Variants in DAB1 observed in about 807,000 individuals in gnomAD.
DAB1 encodes the protein DAB adaptor protein 1, also known as disabled homolog 1.
A neutral mutation model predicts 64.6 loss-of-function variants in DAB1; 15 were observed. That is an observed-to-expected ratio of 0.23 (90% CI 0.16 to 0.36). The LOEUF (loss-of-function observed/expected upper bound fraction) is 0.36. DAB1 is among the 10% of genes least tolerant of loss of function. The probability of loss-of-function intolerance (pLI) is 1.00; values close to 1 mark genes in which losing one functional copy is unlikely to be tolerated. For synonymous variants in DAB1, 235 were observed against 251.9 expected (o/e 0.93, Z 0.64); for missense variants, 596 against 706.7 (o/e 0.84, Z 1.78).
chr1:58,193,582 G>A (rs796815461), intron 4 of DAB1, among the ~76,000 whole-genome samples: 5 of 152,234 alleles, frequency 3.3e-5, no homozygotes, highest in East Asian at 1.9e-4. Flanking sequence ...ACGGCCAGGC[G>A]CAGTGGCTCA....
chr1:57,582,238 C>A (rs116672238), intron 7 of DAB1, among the ~76,000 whole-genome samples: 9 of 152,084 alleles, frequency 5.9e-5, no homozygotes, highest in Non-Finnish European at 1.0e-4. Context: ...CATGTGGCTG[C>A]GGAGGCTTCA....
At chr1:57,199,375 G>A (rs11206996) in intron 2 of DAB1, among the ~76,000 whole-genome samples, 31,434 of 152,186 alleles carry the variant, frequency 0.21, 3,845 homozygotes, top group Admixed American at 0.33. Flanking sequence ...AGGCCACATA[G>A]GGCCTGTCCC....
chr1:57,077,520 A>G (rs1268407429), intron 4 of DAB1, among the ~76,000 whole-genome samples: 2 of 152,250 alleles, frequency 1.3e-5, no homozygotes, highest in African/African-American at 4.8e-5. Flanking sequence ...TTCAATGAAT[A>G]AATGATTCAG....
intron 7 of DAB1, among the ~76,000 whole-genome samples, chr1:57,594,835 C>T (rs1267701198): frequency 1.3e-5 from 2 of 152,090 alleles, no homozygotes; most frequent in East Asian, 1.9e-4. Context: ...CTCAGCCTCC[C>T]GAGTAGCTGG....
intron 4 of DAB1, among the ~76,000 whole-genome samples, chr1:58,227,867 A>T (rs1443858208): frequency 6.6e-6 from 1 of 152,166 alleles, no homozygotes; most frequent in East Asian, 1.9e-4. Flanking sequence ...AGTTTCTGAG[A>T]TTTATTTCTG....
chr1:58,203,543 T>C (rs1658108808), intron 4 of DAB1, among the ~76,000 whole-genome samples: 1 of 152,228 alleles, frequency 6.6e-6, no homozygotes, highest in Admixed American at 6.5e-5. Flanking sequence ...TCTGTCATAG[T>C]GGTTCTCAAA....
chr1:58,078,510 G>A (rs1359316073), intron 5 of DAB1, among the ~76,000 whole-genome samples: 1 of 152,104 alleles, frequency 6.6e-6, no homozygotes, highest in Non-Finnish European at 1.5e-5. Context: ...TTTTTACCTT[G>A]TTCTCTCCCT....
intron 1 of DAB1, among the ~76,000 whole-genome samples, chr1:57,358,503 A>G (rs1196318380): frequency 2.0e-5 from 3 of 152,120 alleles, no homozygotes; most frequent in African/African-American, 2.4e-5. Context: ...ATAAATGAAA[A>G]GACATCCCAT....
At chr1:57,831,257 G>A (rs757694114) in intron 1 of DAB1, among the ~76,000 whole-genome samples, 2 of 152,100 alleles carry the variant, frequency 1.3e-5, no homozygotes, top group Non-Finnish European at 2.9e-5. Flanking sequence ...CATTCTGTGT[G>A]ACCCTTCCTG....
intron 12 of DAB1, among the ~76,000 whole-genome samples, chr1:57,013,513 A>G (rs537269715): frequency 1.3e-5 from 2 of 152,338 alleles, no homozygotes; most frequent in East Asian, 1.9e-4. Context: ...TGTAGATCAT[A>G]TGGCCTGAGT....
chr1:57,157,968 T>C (rs1207050892), intron 2 of DAB1, among the ~76,000 whole-genome samples: 1 of 152,184 alleles, frequency 6.6e-6, no homozygotes, highest in African/African-American at 2.4e-5. Flanking sequence ...GCCACGCTGC[T>C]AAGGAGGGCG....
intron 3 of DAB1, among the ~76,000 whole-genome samples, chr1:58,414,842 G>A (rs1026399764): frequency 1.1e-4 from 16 of 151,610 alleles, no homozygotes; most frequent in African/African-American, 3.9e-4. Context: ...TCCATGATAT[G>A]GTAAAATCTT....
At chr1:57,922,845 CAAAAAAAAAA>C (rs367897659) in intron 5 of DAB1, among the ~76,000 whole-genome samples, 1 of 45,010 alleles carries the variant, frequency 2.2e-5, no homozygotes, top group Non-Finnish European at 3.6e-5. Context: ...GACTCCATCT[CAAAAAAAAAA>C]AAAAAAAAAA....
chr1:57,794,226 C>T (rs1476803667), intron 6 of DAB1, among the ~76,000 whole-genome samples: 1 of 152,122 alleles, frequency 6.6e-6, no homozygotes, highest in Non-Finnish European at 1.5e-5. Context: ...TTGTCAACAT[C>T]AGTGGAGAAG....
intron 1 of DAB1, among the ~76,000 whole-genome samples, chr1:58,530,961 G>T (rs1350608379): frequency 6.6e-6 from 1 of 151,938 alleles, no homozygotes; most frequent in Non-Finnish European, 1.5e-5. Flanking sequence ...CTTACTATTA[G>T]TCAGAGGATA....
At chr1:58,304,723 C>T (rs376261464) in intron 4 of DAB1, among the ~76,000 whole-genome samples, 16 of 152,264 alleles carry the variant, frequency 1.1e-4, no homozygotes, top group African/African-American at 3.8e-4. Flanking sequence ...AATTAGAGAT[C>T]ACAGGACCCC....
At chr1:58,283,934 T>C (rs1383442136) in intron 4 of DAB1, among the ~76,000 whole-genome samples, 1 of 152,206 alleles carries the variant, frequency 6.6e-6, no homozygotes, top group Admixed American at 6.5e-5. Context: ...AGTGTACGTG[T>C]TTAATACATG....
chr1:57,782,671 A>T (rs982205518), intron 6 of DAB1, among the ~76,000 whole-genome samples: 2 of 152,162 alleles, frequency 1.3e-5, no homozygotes, highest in African/African-American at 4.8e-5. Flanking sequence ...TTAAAAACAA[A>T]AGGTACTATC....
chr1:57,374,454 T>C (rs996557169), intron 1 of DAB1, among the ~76,000 whole-genome samples: 1 of 152,248 alleles, frequency 6.6e-6, no homozygotes, highest in Non-Finnish European at 1.5e-5. Context: ...GAATCATTTT[T>C]CAAATTAATA....
Sources: gnomAD v4.1 joint callset for allele counts (sites outside exome capture counted in the v4.1 genomes callset) on GRCh38, gnomAD v4.1.1 for gene constraint, MANE v1.5 for transcripts, NCBI Gene and HGNC (gene_info 2026-07-23, HGNC 2026-07-21) for gene names.